The following RIMS2 variants were observed in gnomAD, a reference collection of about 807,000 sequenced individuals.
RIMS2 encodes regulating synaptic membrane exocytosis 2.
In RIMS2, 59 loss-of-function variants were observed where a neutral mutation model predicts 174.4. The ratio of observed to expected loss-of-function variants is 0.34; its 90% CI spans 0.27 to 0.42. The LOEUF (loss-of-function observed/expected upper bound fraction) is 0.42. RIMS2 is among the 10% of genes least tolerant of loss of function. The pLI is 1.00. For synonymous variants in RIMS2, 606 were observed against 572.5 expected (o/e 1.06, Z -0.84); for missense variants, 1,620 against 1,666.3 (o/e 0.97, Z 0.48).
At chr8:103,769,330 T>A (rs1364810784) in intron 3 of RIMS2, among the ~76,000 whole-genome samples, 1 of 152,042 alleles carries the variant, frequency 6.6e-6, no homozygotes. Context: ...TGTTTGTTTG[T>A]TTGTTTTTGT....
At chr8:104,147,133 C>G (rs1272616985) in intron 19 of RIMS2, among the ~76,000 whole-genome samples, 1 of 152,082 alleles carries the variant, frequency 6.6e-6, no homozygotes, top group Non-Finnish European at 1.5e-5. Context: ...CAAAATAAAA[C>G]AAACTTGAAA....
Position 103,798,184 on chromosome 8 carries a change from A to G in RIMS2, c.698+31647A>G, listed in dbSNP as rs530518369. ...GTGTCATATGAATTTATAATCTAAT[A>G]AGTCAGGATTAATGATATAGTTATA... On this transcript the variant is annotated intron_variant, in intron 3 of 23. Coordinates refer to ENST00000504942, the Ensembl canonical transcript of RIMS2. 6.6e-5 allele frequency among the ~76,000 whole-genome samples: 10 copies of G among 152,312 alleles called. No homozygotes were observed. In the South Asian group the frequency reaches 2.1e-3, roughly 32 times the overall value.
At chr8:103,602,160 G>C (rs922936924) in intron 1 of RIMS2, among the ~76,000 whole-genome samples, 3 of 151,468 alleles carry the variant, frequency 2.0e-5, no homozygotes, top group Non-Finnish European at 4.4e-5. Flanking sequence ...TAATTTTTTT[G>C]GTATATTTAG....
chr8:104,140,461 C>G (rs1223587459), intron 19 of RIMS2, among the ~76,000 whole-genome samples: 1 of 152,048 alleles, frequency 6.6e-6, no homozygotes, highest in African/African-American at 2.4e-5. Flanking sequence ...TAGATAATAA[C>G]TATGTCTCAT....
intron 19 of RIMS2, among the ~76,000 whole-genome samples, chr8:104,037,727 C>T (rs1227301076): frequency 1.3e-5 from 2 of 152,104 alleles, no homozygotes; most frequent in Non-Finnish European, 2.9e-5. Context: ...CATAAAATCT[C>T]ACATCATATT....
At chr8:103,750,389 A>AT (rs987627767) in intron 2 of RIMS2, among the ~76,000 whole-genome samples, 2 of 152,280 alleles carry the variant, frequency 1.3e-5, no homozygotes, top group Admixed American at 6.5e-5. Flanking sequence ...TATATAGAAG[A>AT]TTTTGCCAGT....
At chr8:103,821,240 C>A (rs1442618805) in intron 3 of RIMS2, among the ~76,000 whole-genome samples, 3 of 151,668 alleles carry the variant, frequency 2.0e-5, no homozygotes, top group African/African-American at 7.2e-5. Context: ...TGTTGGCATG[C>A]CTATAATTTC....
intron 1 of RIMS2, among the ~76,000 whole-genome samples, chr8:103,614,568 A>G (rs1167148297): frequency 2.0e-5 from 3 of 152,210 alleles, no homozygotes; most frequent in Non-Finnish European, 4.4e-5. Flanking sequence ...GGAATTTGGT[A>G]TTCATGCAGG....
chr8:103,998,274 C>T, intron 17 of RIMS2: 1 of 1,547,170 alleles, frequency 6.5e-7, no homozygotes, highest in Non-Finnish European at 8.9e-7. Flanking sequence ...ACAATTGAGT[C>T]TGTTTGTGGA....
chr8:103,572,034 A>G (rs1028480372), intron 1 of RIMS2, among the ~76,000 whole-genome samples: 2 of 152,156 alleles, frequency 1.3e-5, no homozygotes, highest in Admixed American at 1.3e-4. Context: ...AAATGAAGCC[A>G]CGGACCCTCG....
At chr8:103,572,837 C>T (rs1247694182) in intron 1 of RIMS2, among the ~76,000 whole-genome samples, 1 of 152,070 alleles carries the variant, frequency 6.6e-6, no homozygotes, top group Non-Finnish European at 1.5e-5. Flanking sequence ...AATATTTTCT[C>T]CCATACTGTA....
chr8:103,785,647 T>C (rs1176118857), intron 3 of RIMS2, among the ~76,000 whole-genome samples: 54 of 152,082 alleles, frequency 3.6e-4, no homozygotes, highest in Non-Finnish European at 4.4e-5. Context: ...ATAAGCTTTT[T>C]GATGTGCTGC....
chr8:103,642,594 T>C (rs1235767150), intron 1 of RIMS2, among the ~76,000 whole-genome samples: 1 of 152,140 alleles, frequency 6.6e-6, no homozygotes, highest in Non-Finnish European at 1.5e-5. Context: ...CTTTTTAATA[T>C]TCCTTGCAAG....
At chr8:103,843,486 T>G (rs1200194274) in intron 3 of RIMS2, among the ~76,000 whole-genome samples, 1 of 152,192 alleles carries the variant, frequency 6.6e-6, no homozygotes, top group African/African-American at 2.4e-5. Context: ...TTCAGTAACT[T>G]TTAAAAGAAG....
At chr8:104,206,363 C>T (rs1362043974) in intron 19 of RIMS2, among the ~76,000 whole-genome samples, 1 of 151,970 alleles carries the variant, frequency 6.6e-6, no homozygotes, top group Non-Finnish European at 1.5e-5. Flanking sequence ...AAACTGTGAC[C>T]AAGGCTTTGT....
rs181606941 is a variant in RIMS2 at position 103,861,355 on chromosome 8, C to G, written c.699-23943C>G. Among the ~76,000 whole-genome samples the G allele has an allele frequency of 7.0e-4, 107 of 152,190 alleles. 1 individual carries two copies. The highest frequency in any genetic ancestry group is 4.1e-3 in the Admixed American group (62 of 15,276). On this transcript the variant is annotated intron_variant, in intron 3 of 23. Coordinates refer to ENST00000504942, the Ensembl canonical transcript of RIMS2. The stretch of plus-strand genomic sequence containing the variant: ...TAATATTCCATGTTGTATATATACA[C>G]CACATTTTCTTTATACAATCAACTT...
At chr8:103,946,172 CA>C (rs2083714943) in intron 14 of RIMS2, among the ~76,000 whole-genome samples, 1 of 152,154 alleles carries the variant, frequency 6.6e-6, no homozygotes, top group Non-Finnish European at 1.5e-5. Context: ...AGAATCTATT[CA>C]TTAACATTTT....
chr8:103,638,866 A>G (rs534446508), intron 1 of RIMS2, among the ~76,000 whole-genome samples: 1 of 152,188 alleles, frequency 6.6e-6, no homozygotes, highest in East Asian at 1.9e-4. Flanking sequence ...AAACTTGTGT[A>G]GACACACATA....
intron 2 of RIMS2, among the ~76,000 whole-genome samples, chr8:103,750,140 A>G (rs998008226): frequency 1.3e-5 from 2 of 152,110 alleles, no homozygotes; most frequent in African/African-American, 2.4e-5. Flanking sequence ...AACTGGATTC[A>G]CTGCATATTG....
Sources: allele counts gnomAD v4.1 joint callset (sites outside exome capture counted in the v4.1 genomes callset), GRCh38; gene constraint gnomAD v4.1.1; transcripts MANE v1.5; gene names NCBI Gene and HGNC (gene_info 2026-07-23, HGNC 2026-07-21).